The following KIF13B variants were observed in gnomAD, a reference collection of about 807,000 sequenced individuals.
The protein encoded by KIF13B is kinesin-like protein KIF13B.
A neutral mutation model predicts 222.0 loss-of-function variants in KIF13B; 127 were observed. That is an observed-to-expected ratio of 0.57 (90% CI 0.50 to 0.66). KIF13B has a LOEUF of 0.66. Ranked by LOEUF, KIF13B falls within the 30% of genes least tolerant of loss-of-function variation. The probability of loss-of-function intolerance (pLI) is 0.00; values close to 1 mark genes in which losing one functional copy is unlikely to be tolerated. For synonymous variants in KIF13B, 976 were observed against 919.0 expected (o/e 1.06, Z -1.12); for missense variants, 2,173 against 2,379.0 (o/e 0.91, Z 1.80).
At chr8:29,089,113 C>T (rs1657340356) in intron 37 of KIF13B, among the ~76,000 whole-genome samples, 1 of 152,202 alleles carries the variant, frequency 6.6e-6, no homozygotes, top group Non-Finnish European at 1.5e-5. Context: ...ACAGTCCTGT[C>T]TACCACTGAG....
intron 20 of KIF13B, 21 bp from the exon 21 acceptor site, chr8:29,140,212 A>T: frequency 6.2e-7 from 1 of 1,613,010 alleles, no homozygotes; most frequent in Non-Finnish European, 8.5e-7. Flanking sequence ...GAGGGAAGGC[A>T]GAAACATTTC....
intron 2 of KIF13B, among the ~76,000 whole-genome samples, chr8:29,197,336 C>CAAAAAAAAAAAAAAA (rs71222598): frequency 7.3e-4 from 42 of 57,764 alleles, no homozygotes; most frequent in Non-Finnish European, 1.0e-3. Context: ...GACTCCGTCT[C>CAAAAAAAAAAAAAAA]AAAAAAAAAA....
chr8:29,178,862 G>A (rs1284442433), intron 8 of KIF13B, among the ~76,000 whole-genome samples: 2 of 152,094 alleles, frequency 1.3e-5, no homozygotes, highest in African/African-American at 4.8e-5. Context: ...ACACTAGGGG[G>A]TAGGCATCAT....
At position 29,109,426 on chromosome 8, in the gene KIF13B, A is replaced by G; in HGVS notation, c.4161+8T>C. On this transcript the variant is annotated splice_region_variant and intron_variant, in intron 34 of 39. Transcript: ENST00000524189. Reference sequence around the variant, plus strand: ...GGCACAGCACAGAGCTTGGTTCCACACACTCACTCTGTTCACATTTGGAGA... The same window carrying G: ...GGCACAGCACAGAGCTTGGTTCCACGCACTCACTCTGTTCACATTTGGAGA... 1 of 1,609,942 alleles carries G rather than the reference A, an allele frequency of 6.2e-7. No homozygotes were observed. The highest frequency in any genetic ancestry group is 8.5e-7 in the Non-Finnish European group (1 of 1,176,276).
chr8:29,210,633 A>C (rs1814178392), intron 2 of KIF13B, among the ~76,000 whole-genome samples: 1 of 152,230 alleles, frequency 6.6e-6, no homozygotes, highest in Non-Finnish European at 1.5e-5. Flanking sequence ...TAAGATATTA[A>C]GATGGGATCC....
In KIF13B at chr8:29,099,185, A is replaced by G; in HGVS notation, c.4272T>C (p.Ala1424=). The change falls in exon 36 of 40, where the codon GCT becomes GCC. Residue 1424 remains alanine, a synonymous_variant. Transcript: ENST00000524189. ...GAGAAACAGAGAGGGCGGGGGCAGG[A>G]GCTATTCCTCTGGAAACTGTGGTTT... The part of the protein sequence containing the change: ...VSQTTVSRGI[A]PAPALSVSPQ... 1 of 1,613,792 alleles carries G rather than the reference A, an allele frequency of 6.2e-7. No individual in the cohort carries two copies. Among genetic ancestry groups the G allele is most frequent in the Non-Finnish European group, 8.5e-7 (1 of 1,179,778 alleles).
At chr8:29,211,172 T>C (rs1814204573) in intron 2 of KIF13B, among the ~76,000 whole-genome samples, 1 of 152,254 alleles carries the variant, frequency 6.6e-6, no homozygotes, top group Non-Finnish European at 1.5e-5. Flanking sequence ...CACCATTTGC[T>C]GGTAAGAACC....
At position 29,196,245 on chromosome 8, in the gene KIF13B, A is replaced by T. The variant is rs374901909; in HGVS notation, c.150-46T>A. The stretch of plus-strand genomic sequence containing the variant: ...TCATCATTGACGTGAAAGAAAAGTT[A>T]AAAAAAAAAAAAAAATTTAGTTTAG... On this transcript the variant is annotated intron_variant, in intron 2 of 39. Transcript: ENST00000524189. 6.8e-4 allele frequency: 10 copies of T among 14,650 alleles called. No individual in the cohort carries two copies. Among genetic ancestry groups the T allele is most frequent in the South Asian group, 3.6e-3 (2 of 558 alleles). The allele number at this position is 14,650 out of a possible 1,614,324, so 0.9% of individuals were successfully genotyped here. A position where few individuals can be genotyped will look rare whatever the true frequency, so the allele number is the denominator to read the frequency against.
At chr8:29,151,661 A>G (rs1811302079) in intron 14 of KIF13B, among the ~76,000 whole-genome samples, 1 of 152,222 alleles carries the variant, frequency 6.6e-6, no homozygotes, top group Non-Finnish European at 1.5e-5. Context: ...AGTTTGCTGA[A>G]TATTTTAAGC....
chr8:29,144,282 A>G (rs1810955569), intron 18 of KIF13B, among the ~76,000 whole-genome samples: 1 of 152,046 alleles, frequency 6.6e-6, no homozygotes, highest in African/African-American at 2.4e-5. Context: ...TTTAATTGAG[A>G]CAGAGTCTCT....
At chr8:29,206,172 C>T (rs544076949) in intron 2 of KIF13B, among the ~76,000 whole-genome samples, 2 of 152,254 alleles carry the variant, frequency 1.3e-5, no homozygotes, top group African/African-American at 4.8e-5. Flanking sequence ...TGTCTGTAAT[C>T]CCAGCACTTT....
intron 7 of KIF13B, 135 bp from the exon 8 acceptor site, chr8:29,180,373 T>TATTCATTGA: frequency 1.1e-6 from 1 of 899,980 alleles, no homozygotes; most frequent in Non-Finnish European, 1.8e-6. Context: ...TGTTTCTCAA[T>TATTCATTGA]GAATATTGAG....
At chr8:29,151,634 A>T (rs1811300645) in intron 14 of KIF13B, among the ~76,000 whole-genome samples, 1 of 152,230 alleles carries the variant, frequency 6.6e-6, no homozygotes, top group African/African-American at 2.4e-5. Flanking sequence ...GGATGACAGT[A>T]CGTCTGTTTA....
chr8:29,191,006 T>G lies in KIF13B; in HGVS notation c.214A>C (p.Lys72Gln). The G allele has an allele frequency of 6.2e-7, 1 of 1,612,624 alleles. No homozygotes were observed. Among genetic ancestry groups the G allele is most frequent in the East Asian group, 2.2e-5 (1 of 44,874 alleles). Residue 72 changes from lysine (K) to glutamine (Q), a missense_variant, in exon 4 of 40, where the codon AAG becomes CAG. Coordinates refer to ENST00000524189, the MANE Select transcript of KIF13B (RefSeq NM_015254.4). ...TGCTGGATTCTATTACCTGCATACT[T>G]TTCTTTGACAGATTCATCCATAGAC... ...FWSMDESVKE[K>Q]YAGQDIVFKC...
chr8:29,116,413 G>C (rs940070782), intron 31 of KIF13B, among the ~76,000 whole-genome samples: 6 of 152,038 alleles, frequency 3.9e-5, no homozygotes, highest in African/African-American at 1.5e-4. Flanking sequence ...TGGCTGCAGT[G>C]AGCTATGATC....
chr8:29,196,175 C>G lies in KIF13B; in HGVS notation c.162+12G>C, dbSNP rs1427166205. On this transcript the variant is annotated intron_variant, in intron 3 of 39. Transcript: ENST00000524189. ...TCTTTACAAGCATCACATAACAAAC[C>G]AAATCTCTTACCTTCGGCTGGCCCC... 3.2e-6 allele frequency: 5 copies of G among 1,567,508 alleles called. No homozygotes were observed. In the Admixed American group the frequency reaches 5.6e-5, roughly 18 times the overall value.
rs372327746 is a variant in KIF13B at position 29,180,242 on chromosome 8, A to C, written c.586-4T>G. The C allele has an allele frequency of 2.5e-6, 4 of 1,613,946 alleles. No homozygotes were observed. The highest frequency in any genetic ancestry group is 1.3e-5 in the African/African-American group (1 of 75,052). ...CAGACATCAACGACTCAATATCCTA[A>C]GTGGAAACAAGTCATAGACCCACGT... On this transcript the variant is annotated splice_polypyrimidine_tract_variant and splice_region_variant and intron_variant, in intron 7 of 39. Transcript: ENST00000524189.
chr8:29,236,835 CAATCA>C (rs1429079724), intron 2 of KIF13B, among the ~76,000 whole-genome samples: 2 of 152,122 alleles, frequency 1.3e-5, no homozygotes, highest in Admixed American at 6.5e-5. Context: ...CAAAATTAAA[CAATCA>C]AATCATTTCA....
At position 29,147,488 on chromosome 8, in the gene KIF13B, C is replaced by T; in HGVS notation, c.1928G>A (p.Arg643Lys). The T allele has an allele frequency of 6.2e-7, 1 of 1,613,550 alleles. No homozygotes were observed. Among genetic ancestry groups the T allele is most frequent in the Non-Finnish European group, 8.5e-7 (1 of 1,179,694 alleles). ...YEHELEQLRRRLSPEKQNCRS... is the reference protein window; with the variant it reads ...YEHELEQLRRKLSPEKQNCRS... ...GCAGTTCTGCTTCTCAGGAGACAGC[C>T]TTCTCCGGAGCTGCTCCAATTCGTG... The change falls in exon 17 of 40, where the codon AGG becomes AAG. Residue 643 changes from arginine (R) to lysine (K), a missense_variant. Physicochemically the swap from Arg to Lys is conservative, Grantham distance 26 (BLOSUM62 2). This residue lies in a region of KIF13B where 1,480 missense variants were observed against 1,722.8 expected (regional missense o/e 0.86). Coordinates refer to ENST00000524189, the MANE Select transcript of KIF13B (RefSeq NM_015254.4).
Sources: allele counts gnomAD v4.1 joint callset (sites outside exome capture counted in the v4.1 genomes callset), GRCh38; gene constraint gnomAD v4.1.1; regional missense constraint gnomAD v4.1.1; transcripts MANE v1.5; gene names NCBI Gene and HGNC (gene_info 2026-07-23, HGNC 2026-07-21).